Variants in HS3ST3A1 observed in about 807,000 individuals in gnomAD.
The protein encoded by HS3ST3A1 is heparan sulfate glucosamine 3-O-sulfotransferase 3A1.
Under a neutral mutation model 25.7 loss-of-function variants are expected in HS3ST3A1, and 19 were observed. The observed-to-expected ratio is 0.74, with a 90% CI of 0.52 to 1.08. The LOEUF is 1.08. Ranked by LOEUF, HS3ST3A1 falls within the 50% of genes least tolerant of loss-of-function variation. HS3ST3A1 has a pLI of 0.00. For synonymous variants in HS3ST3A1, 226 were observed against 278.6 expected, an observed-to-expected ratio of 0.81 and a Z score of 1.88; for missense variants, 459 against 594.3, an observed-to-expected ratio of 0.77 and a Z score of 2.37.
intron 1 of HS3ST3A1, among the ~76,000 whole-genome samples, chr17:13,574,514 C>G (rs917997336): frequency 6.6e-6 from 1 of 151,498 alleles, no homozygotes; most frequent in Non-Finnish European, 1.5e-5. Flanking sequence ...GTCAGGAGAT[C>G]GAGACCATCC....
chr17:13,565,925 C>T (rs1431695238), intron 1 of HS3ST3A1, among the ~76,000 whole-genome samples: 1 of 152,306 alleles, frequency 6.6e-6, no homozygotes, highest in African/African-American at 2.4e-5. Context: ...CACCCTTTTA[C>T]AGTTCCATCT....
At chr17:13,519,749 T>A (rs541272365) in intron 1 of HS3ST3A1, among the ~76,000 whole-genome samples, 22 of 152,220 alleles carry the variant, frequency 1.4e-4, no homozygotes, top group Non-Finnish European at 2.5e-4. Context: ...TGGGAGAAAA[T>A]TTAATTATTG....
At chr17:13,558,649 T>C (rs1208822121) in intron 1 of HS3ST3A1, among the ~76,000 whole-genome samples, 4 of 152,232 alleles carry the variant, frequency 2.6e-5, no homozygotes, top group Admixed American at 6.5e-5. Context: ...TGTAGCTATG[T>C]CTGAAACAAA....
chr17:13,593,879 C>T (rs987502447), intron 1 of HS3ST3A1, among the ~76,000 whole-genome samples: 14 of 152,148 alleles, frequency 9.2e-5, no homozygotes, highest in African/African-American at 2.2e-4. Flanking sequence ...AAACTGCATA[C>T]ACTATCCACA....
chr17:13,575,651 T>C (rs192484564), intron 1 of HS3ST3A1, among the ~76,000 whole-genome samples: 13 of 152,244 alleles, frequency 8.5e-5, no homozygotes, highest in African/African-American at 2.9e-4. Flanking sequence ...AGTCTGCCAA[T>C]AGAAGATAAG....
chr17:13,599,303 G>A (rs1214742329), intron 1 of HS3ST3A1, among the ~76,000 whole-genome samples: 1 of 152,020 alleles, frequency 6.6e-6, no homozygotes, highest in African/African-American at 2.4e-5. Context: ...CTATTTTTAG[G>A]GCCAAATCTT....
chr17:13,542,503 C>G (rs577297677), intron 1 of HS3ST3A1, among the ~76,000 whole-genome samples: 1 of 151,830 alleles, frequency 6.6e-6, no homozygotes, highest in African/African-American at 2.4e-5. Context: ...AGAGAGGTCG[C>G]GGGAGAGAAC....
Position 13,496,243 on chromosome 17 carries a change from A to T in HS3ST3A1, c.1175T>A (p.Leu392His). 1 of 1,599,628 alleles carries T rather than the reference A, an allele frequency of 6.3e-7. No individual in the cohort carries two copies. Among genetic ancestry groups the T allele is most frequent in the South Asian group, 1.1e-5 (1 of 89,046 alleles). Residue 392 changes from leucine to histidine, a missense_variant, in exon 2 of 2, where the codon CTC becomes CAC. Physicochemically the swap from Leu to His is moderately conservative, Grantham distance 99. Coordinates refer to ENST00000284110, the MANE Select transcript of HS3ST3A1 (RefSeq NM_006042.3). ...RLREFYRPFN[L>H]KFYQMTGHDF... ...GTGCCCGGTCATCTGGTAGAACTTG[A>T]GGTTGAAAGGCCGGTAGAACTCGCG...
intron 1 of HS3ST3A1, among the ~76,000 whole-genome samples, chr17:13,500,879 G>A (rs1248852616): frequency 6.6e-6 from 1 of 152,206 alleles, no homozygotes; most frequent in East Asian, 1.9e-4. Flanking sequence ...ACACAAGTGT[G>A]TATTGACAGA....
At chr17:13,588,027 T>C (rs917707549) in intron 1 of HS3ST3A1, among the ~76,000 whole-genome samples, 1 of 152,112 alleles carries the variant, frequency 6.6e-6, no homozygotes, top group Admixed American at 6.6e-5. Context: ...CACCTGAGAG[T>C]AACCCATAAA....
At chr17:13,591,820 C>A (rs750197783) in intron 1 of HS3ST3A1, among the ~76,000 whole-genome samples, 3 of 151,906 alleles carry the variant, frequency 2.0e-5, no homozygotes, top group African/African-American at 7.3e-5. Context: ...CGACCACATC[C>A]GGCTAATTTT....
chr17:13,551,283 A>C (rs960742161), intron 1 of HS3ST3A1, among the ~76,000 whole-genome samples: 1 of 151,552 alleles, frequency 6.6e-6, no homozygotes, highest in Non-Finnish European at 1.5e-5. Flanking sequence ...TGGGAGGCAG[A>C]GGTTGCAGTG....
rs71144977 is a variant in HS3ST3A1, at chr17:13,585,186, C to CTTTTTTTTTT, written c.599+15335_599+15344dup. ...CAATCTAAATACTCATTTTTCTGTG[C>CTTTTTTTTTT]TTTTTTTTTTTTTTTTTTTTTTTTT... On this transcript the variant is annotated intron_variant, in intron 1 of 1. Coordinates refer to ENST00000284110, the MANE Select transcript of HS3ST3A1 (RefSeq NM_006042.3). 3.8e-3 allele frequency among the ~76,000 whole-genome samples: 125 copies of CTTTTTTTTTT among 33,252 alleles called. 26 individuals are homozygous for CTTTTTTTTTT. The highest frequency in any genetic ancestry group is 4.2e-3 in the African/African-American group (36 of 8,482). The allele number at this position is 33,252 out of a possible 152,430, so 21.8% of individuals were successfully genotyped here.
chr17:13,510,878 A>G (rs1402756260), intron 1 of HS3ST3A1, among the ~76,000 whole-genome samples: 1 of 152,154 alleles, frequency 6.6e-6, no homozygotes, highest in Non-Finnish European at 1.5e-5. Context: ...GATTTTGAAC[A>G]GGAGAAAAGG....
intron 1 of HS3ST3A1, among the ~76,000 whole-genome samples, chr17:13,498,015 A>G (rs975286191): frequency 1.3e-5 from 2 of 152,240 alleles, no homozygotes; most frequent in Non-Finnish European, 2.9e-5. Context: ...CATGTCAAAC[A>G]TAAACAAAAG....
At chr17:13,553,754 T>C (rs990942893) in intron 1 of HS3ST3A1, among the ~76,000 whole-genome samples, 26 of 152,268 alleles carry the variant, frequency 1.7e-4, no homozygotes, top group African/African-American at 6.0e-4. Flanking sequence ...ATAATACTAG[T>C]TTATCAAAAT....
At chr17:13,550,864 C>T (rs1234036400) in intron 1 of HS3ST3A1, among the ~76,000 whole-genome samples, 1 of 152,026 alleles carries the variant, frequency 6.6e-6, no homozygotes, top group African/African-American at 2.4e-5. Context: ...GTCCGAAGAT[C>T]GAGACCATCC....
intron 1 of HS3ST3A1, among the ~76,000 whole-genome samples, chr17:13,578,333 A>C (rs1028247784): frequency 4.7e-5 from 7 of 147,784 alleles, no homozygotes; most frequent in African/African-American, 1.5e-4. Context: ...GGATCACCTG[A>C]GGTCTGGAGT....
At chr17:13,496,968 C>T (rs1905305111) in intron 1 of HS3ST3A1, 150 bp from the exon 2 acceptor site, 3 of 1,031,340 alleles carry the variant, frequency 2.9e-6, no homozygotes, top group Non-Finnish European at 1.4e-6. Flanking sequence ...CACAACGAGC[C>T]CCGCACCTCA....
Sources: allele counts gnomAD v4.1 joint callset (sites outside exome capture counted in the v4.1 genomes callset), GRCh38; gene constraint gnomAD v4.1.1; transcripts MANE v1.5; gene names NCBI Gene and HGNC (gene_info 2026-07-23, HGNC 2026-07-21).